The following AFF3 variants were observed in gnomAD, a reference collection of about 807,000 sequenced individuals.
AFF3 encodes the protein AF4/FMR2 family member 3.
A neutral mutation model predicts 129.7 loss-of-function variants in AFF3; 32 were observed. The ratio of observed to expected loss-of-function variants is 0.25; its 90% confidence interval spans 0.19 to 0.33. The LOEUF is 0.33. AFF3 is among the 10% of genes least tolerant of loss of function. The pLI is 1.00. For synonymous variants in AFF3, 644 were observed against 635.4 expected, an observed-to-expected ratio of 1.01 and a Z score of -0.20; for missense variants, 1,373 against 1,592.0, an observed-to-expected ratio of 0.86 and a Z score of 2.34.
rs71252505 is a variant in AFF3, at chr2:99,551,153, GGT to G, written c.*319_*320del. The G allele has an allele frequency of 0.072, 30,885 of 427,458 alleles. 23 individuals are homozygous for G. Among genetic ancestry groups the G allele is most frequent in the East Asian group, 0.16 (4,752 of 29,840 alleles). The allele number at this position is 427,458 out of a possible 1,614,324, so 26.5% of individuals were successfully genotyped here. The stretch of plus-strand genomic sequence containing the variant: ...TGTCTGTGATTGTGTGTGAGTGTAC[GGT>G]GTGTGTGTGTGTGTGTGTGTGTGTG... On this transcript the variant is annotated 3_prime_UTR_variant, in exon 25 of 25. Coordinates refer to ENST00000672756, the MANE Select transcript of AFF3 (RefSeq NM_001386135.1).
chr2:99,947,610 AG>A (rs1675739916), intron 7 of AFF3, among the ~76,000 whole-genome samples: 1 of 63,222 alleles, frequency 1.6e-5, no homozygotes, highest in Non-Finnish European at 3.4e-5. Flanking sequence ...AAAGATAGAT[AG>A]ATAGATAGAT....
chr2:99,820,449 G>C lies in AFF3; in HGVS notation c.921+17028C>G, dbSNP rs573088298. On this transcript the variant is annotated intron_variant, in intron 8 of 24. Transcript: ENST00000672756. ...TGAATGGAGTTTGAAAAACTGGAAG[G>C]TGCTCTGGGTGAGTCAGTGAGTGAG... 6.6e-5 allele frequency among the ~76,000 whole-genome samples: 10 copies of C among 152,200 alleles called. No individual in the cohort carries two copies. In the South Asian group the frequency reaches 1.9e-3, roughly 28 times the overall value.
At chr2:99,959,366 A>T (rs993799700) in intron 7 of AFF3, among the ~76,000 whole-genome samples, 11 of 148,162 alleles carry the variant, frequency 7.4e-5, no homozygotes, top group Non-Finnish European at 5.9e-5. Context: ...AAAAAAGAAC[A>T]TTATCAAGAA....
At chr2:100,067,908 T>C (rs1469998985) in intron 4 of AFF3, among the ~76,000 whole-genome samples, 1 of 152,204 alleles carries the variant, frequency 6.6e-6, no homozygotes, top group Non-Finnish European at 1.5e-5. Flanking sequence ...CCAGCTGTTA[T>C]TTACACTGCC....
At chr2:99,914,546 T>C (rs140772756) in intron 7 of AFF3, among the ~76,000 whole-genome samples, 1 of 152,270 alleles carries the variant, frequency 6.6e-6, no homozygotes, top group East Asian at 1.9e-4. Flanking sequence ...AACTTCTGGA[T>C]TTTGATCATT....
chr2:99,639,813 G>A (rs752934479), intron 13 of AFF3, among the ~76,000 whole-genome samples: 7 of 151,324 alleles, frequency 4.6e-5, no homozygotes, highest in East Asian at 3.9e-4. Flanking sequence ...TCAGCCTCTC[G>A]AGTAGCTGTG....
At chr2:99,944,946 G>A (rs899733395) in intron 7 of AFF3, among the ~76,000 whole-genome samples, 3 of 152,200 alleles carry the variant, frequency 2.0e-5, no homozygotes, top group Non-Finnish European at 4.4e-5. Context: ...GCAGTCATAA[G>A]GACTTCACGT....
chr2:100,046,864 C>T (rs1289952564), intron 4 of AFF3, among the ~76,000 whole-genome samples: 1 of 151,920 alleles, frequency 6.6e-6, no homozygotes, highest in Non-Finnish European at 1.5e-5. Flanking sequence ...CAGGAATCCG[C>T]CTTGACAAAG....
intron 7 of AFF3, among the ~76,000 whole-genome samples, chr2:99,965,769 G>T (rs2104373700): frequency 6.6e-6 from 1 of 152,290 alleles, no homozygotes; most frequent in African/African-American, 2.4e-5. Context: ...CACTGAAATG[G>T]CACCAACCAC....
At chr2:100,122,355 A>G (rs1692014825) in intron 2 of AFF3, among the ~76,000 whole-genome samples, 1 of 152,218 alleles carries the variant, frequency 6.6e-6, no homozygotes, top group Admixed American at 6.5e-5. Context: ...CTTTATTTCA[A>G]ATTTATTTAT....
At chr2:100,086,009 T>G (rs554265982) in intron 4 of AFF3, among the ~76,000 whole-genome samples, 101 of 152,178 alleles carry the variant, frequency 6.6e-4, no homozygotes, top group African/African-American at 2.2e-3. Flanking sequence ...CTGAGTTACA[T>G]CTTGCTCCAA....
At chr2:99,765,908 G>A (rs541821310) in intron 8 of AFF3, among the ~76,000 whole-genome samples, 43 of 152,334 alleles carry the variant, frequency 2.8e-4, no homozygotes, top group Admixed American at 7.2e-4. Context: ...AGGGAAGGAA[G>A]AATGCTATCT....
chr2:99,732,182 G>A lies in AFF3; in HGVS notation c.1040-5054C>T, dbSNP rs1249171123. On this transcript the variant is annotated intron_variant, in intron 10 of 24. Transcript: ENST00000672756. ...ATCCTGGCTAACATGGTGAAACCCC[G>A]TCTCTACTAAAAATACAAAAAAATT... Among the ~76,000 whole-genome samples, 6 of 151,910 alleles carry A rather than the reference G, an allele frequency of 3.9e-5. No homozygotes were observed. The South Asian group carries it at 6.2e-4, about 16-fold the overall frequency.
chr2:99,872,729 AT>A (rs1691975182), intron 7 of AFF3, among the ~76,000 whole-genome samples: 1 of 152,298 alleles, frequency 6.6e-6, no homozygotes, highest in East Asian at 1.9e-4. Flanking sequence ...CATTTAGAAA[AT>A]CTTGGTTCAC....
At chr2:100,076,317 C>G (rs1688586822) in intron 4 of AFF3, among the ~76,000 whole-genome samples, 1 of 152,204 alleles carries the variant, frequency 6.6e-6, no homozygotes. Context: ...CTGCAGAGAA[C>G]TCTAAAGACA....
chr2:99,928,497 A>G (rs1435633374), intron 7 of AFF3, among the ~76,000 whole-genome samples: 3 of 152,172 alleles, frequency 2.0e-5, no homozygotes, highest in South Asian at 2.1e-4. Flanking sequence ...TTACATTTCT[A>G]TAACTAGAAC....
intron 4 of AFF3, among the ~76,000 whole-genome samples, chr2:100,069,514 G>C (rs1423872371): frequency 2.0e-5 from 3 of 152,144 alleles, no homozygotes; most frequent in Non-Finnish European, 1.5e-5. Context: ...CCTCTACCTA[G>C]AAAACAGTCA....
intron 8 of AFF3, among the ~76,000 whole-genome samples, chr2:99,824,888 T>C (rs1687957415): frequency 2.0e-5 from 3 of 152,176 alleles, no homozygotes; most frequent in Admixed American, 2.0e-4. Context: ...ATGGCTCATG[T>C]TCAAAAAACA....
chr2:99,785,779 G>A (rs1558848641), intron 8 of AFF3, among the ~76,000 whole-genome samples: 2 of 152,020 alleles, frequency 1.3e-5, no homozygotes, highest in East Asian at 1.9e-4. Context: ...ACAGAGTCAC[G>A]CCCTGTCACC....
Sources: gnomAD v4.1 joint callset for allele counts (sites outside exome capture counted in the v4.1 genomes callset) on GRCh38, gnomAD v4.1.1 for gene constraint, MANE v1.5 for transcripts, NCBI Gene and HGNC (gene_info 2026-07-23, HGNC 2026-07-21) for gene names.